Variants in C2CD3 observed in about 807,000 individuals in gnomAD.
C2CD3 encodes the protein C2 domain containing 3 centriole elongation regulator.
Under a neutral mutation model 234.0 loss-of-function variants are expected in C2CD3, and 148 were observed. The ratio of observed to expected loss-of-function variants is 0.63; its 90% CI spans 0.55 to 0.72. The LOEUF (loss-of-function observed/expected upper bound fraction) is 0.72. Among genes scored for constraint, C2CD3 ranks in the 30% least tolerant of loss-of-function variants. C2CD3 has a pLI of 0.00. For missense variants in C2CD3, 2,577 were observed against 2,811.5 expected, an observed-to-expected ratio of 0.92 and a Z score of 1.89; for synonymous variants, 1,000 against 1,035.4, an observed-to-expected ratio of 0.97 and a Z score of 0.66.
At chr11:74,081,429 C>T (rs1239665807) in intron 22 of C2CD3, among the ~76,000 whole-genome samples, 1 of 152,160 alleles carries the variant, frequency 6.6e-6, no homozygotes, top group Admixed American at 6.5e-5. Context: ...TCAGGTCCTG[C>T]CACTCACCAG....
Position 74,138,639 on chromosome 11 carries a change from T to G in C2CD3, c.955+81A>C, listed in dbSNP as rs1957946147. On this transcript the variant is annotated intron_variant, in intron 5 of 32. Transcript: ENST00000334126. Reference sequence around the variant, plus strand: ...GACTTAGTTCAAACAAGAGTCTTGGTTCTCTTTGTAGGCTGGCTAACAAGC... The same window carrying G: ...GACTTAGTTCAAACAAGAGTCTTGGGTCTCTTTGTAGGCTGGCTAACAAGC... 4.4e-6 allele frequency: 5 copies of G among 1,127,926 alleles called. No homozygotes were observed. The South Asian group carries it at 5.6e-5, about 13-fold the overall frequency. The allele number at this position is 1,127,926 out of a possible 1,614,324, so 69.9% of individuals were successfully genotyped here.
chr11:74,020,464 C>T (rs1952040956), intron 32 of C2CD3, among the ~76,000 whole-genome samples: 1 of 152,236 alleles, frequency 6.6e-6, no homozygotes, highest in Admixed American at 6.5e-5. Context: ...TTCCTATACT[C>T]ATTCCCTTTG....
chr11:74,088,356 TG>T (rs1335488822), intron 20 of C2CD3, among the ~76,000 whole-genome samples: 1 of 152,164 alleles, frequency 6.6e-6, no homozygotes, highest in Non-Finnish European at 1.5e-5. Flanking sequence ...TAGTAGGAGA[TG>T]GGGGTGAGAC....
intron 31 of C2CD3, among the ~76,000 whole-genome samples, chr11:74,029,663 T>C (rs1241987463): frequency 6.6e-6 from 1 of 152,238 alleles, no homozygotes; most frequent in Non-Finnish European, 1.5e-5. Context: ...GTGTCAGGGC[T>C]GGCTCTGAAG....
At chr11:74,087,469 C>T (rs1955690890) in intron 20 of C2CD3, among the ~76,000 whole-genome samples, 1 of 151,806 alleles carries the variant, frequency 6.6e-6, no homozygotes, top group African/African-American at 2.4e-5. Flanking sequence ...GAGGCTGAGT[C>T]AGGAGAATCG....
chr11:74,090,173 C>T (rs551991401), intron 20 of C2CD3, among the ~76,000 whole-genome samples: 5 of 152,096 alleles, frequency 3.3e-5, no homozygotes, highest in Non-Finnish European at 5.9e-5. Context: ...GGGTGGGGCA[C>T]GTGGTTTAGA....
chr11:74,076,773 C>T (rs896524820), intron 23 of C2CD3, among the ~76,000 whole-genome samples: 4 of 152,180 alleles, frequency 2.6e-5, no homozygotes, highest in Admixed American at 2.6e-4. Context: ...ATCTCTCTTT[C>T]CCCCTTTCCT....
intron 24 of C2CD3, among the ~76,000 whole-genome samples, chr11:74,061,892 G>A (rs568987118): frequency 1.0e-3 from 158 of 152,136 alleles, no homozygotes; most frequent in African/African-American, 3.6e-3. Flanking sequence ...CACGTGCAGA[G>A]ACACATACAG....
chr11:74,170,795 T>A lies in C2CD3; in HGVS notation c.-3A>T. 1 of 1,614,214 alleles carries A rather than the reference T, an allele frequency of 6.2e-7. No homozygotes were observed. The highest frequency in any genetic ancestry group is 8.5e-7 in the Non-Finnish European group (1 of 1,180,026). On this transcript the variant is annotated 5_prime_UTR_variant, in exon 1 of 33. Coordinates refer to ENST00000334126, the MANE Select transcript of C2CD3 (RefSeq NM_001286577.2). The stretch of plus-strand genomic sequence containing the variant: ...CCTTGGCCTTTTCGTTGTTTCATGA[T>A]GAGCCCGAGCTCTTCTTCACCAGCT...
In C2CD3 at chr11:74,170,834, A is replaced by G. The variant is rs1221770501; in HGVS notation, c.-42T>C. Reference sequence around the variant, plus strand: ...TCTTCACCAGCTCAACTCCGTCTCCAGCACCTAAGCAGTATCCTCCCGCCA... The same window carrying G: ...TCTTCACCAGCTCAACTCCGTCTCCGGCACCTAAGCAGTATCCTCCCGCCA... On this transcript the variant is annotated 5_prime_UTR_variant, in exon 1 of 33. Transcript: ENST00000334126. The G allele has an allele frequency of 3.1e-6, 5 of 1,613,464 alleles. No individual in the cohort carries two copies. Among genetic ancestry groups the G allele is most frequent in the Non-Finnish European group, 4.2e-6 (5 of 1,179,812 alleles).
At chr11:74,092,179 A>G (rs1271836975) in intron 19 of C2CD3, among the ~76,000 whole-genome samples, 2 of 151,718 alleles carry the variant, frequency 1.3e-5, no homozygotes, top group African/African-American at 2.4e-5. Context: ...CAGCCTCCCA[A>G]GTAGCTGGGA....
chr11:74,117,114 G>A (rs1391143200), intron 9 of C2CD3, among the ~76,000 whole-genome samples: 3 of 30,018 alleles, frequency 1.0e-4, no homozygotes, highest in Non-Finnish European at 1.6e-4. Flanking sequence ...ATATATATAT[G>A]AATATATATA....
intron 24 of C2CD3, among the ~76,000 whole-genome samples, chr11:74,059,456 T>C (rs1420099955): frequency 7.2e-6 from 1 of 139,262 alleles, no homozygotes; most frequent in African/African-American, 2.7e-5. Context: ...TCCAAATCCA[T>C]ACTCCCACTT....
chr11:74,080,150 GT>G (rs1204712860), intron 22 of C2CD3, among the ~76,000 whole-genome samples: 1 of 152,098 alleles, frequency 6.6e-6, no homozygotes, highest in Non-Finnish European at 1.5e-5. Context: ...ATAAAACATT[GT>G]GGAATGATAA....
In C2CD3 at chr11:74,013,183, C is replaced by T. The variant is rs113564544; in HGVS notation, c.*202G>A. ...ACCACAGAAAAAAGGAGCTGAAATT[C>T]TGGCAAGTGGACACTGGACTGGTTT... is the stretch of plus-strand genomic sequence containing the variant. On this transcript the variant is annotated 3_prime_UTR_variant, in exon 33 of 33. Transcript: ENST00000334126. 1.1e-5 allele frequency: 4 copies of T among 362,216 alleles called. No homozygotes were observed. The highest frequency in any genetic ancestry group is 6.3e-5 in the African/African-American group (3 of 47,926). 22.4% of individuals were successfully genotyped at this position (362,216 alleles called of 1,614,324 possible). A position where few individuals can be genotyped will look rare whatever the true frequency, so the allele number is the denominator to read the frequency against.
rs572341331 is a variant in C2CD3, at chr11:74,057,293, A to C, written c.5090+113T>G. 3 of 1,012,786 alleles carry C rather than the reference A, an allele frequency of 3.0e-6. No individual in the cohort carries two copies. In the African/African-American group the frequency reaches 4.8e-5, roughly 16 times the overall value. 62.7% of individuals were successfully genotyped at this position (1,012,786 alleles called of 1,614,324 possible). On this transcript the variant is annotated intron_variant, in intron 25 of 32. Coordinates refer to ENST00000334126, the MANE Select transcript of C2CD3 (RefSeq NM_001286577.2). ...ATTAAATAATTGCTTGGATAAGAAAAGCATTTTCCAGGTCTGCTCAAAAAT... is the reference window on the plus strand; with the variant it reads ...ATTAAATAATTGCTTGGATAAGAAACGCATTTTCCAGGTCTGCTCAAAAAT...
intron 15 of C2CD3, among the ~76,000 whole-genome samples, chr11:74,099,976 C>A (rs1012725881): frequency 3.9e-5 from 6 of 152,058 alleles, no homozygotes; most frequent in Non-Finnish European, 7.4e-5. Flanking sequence ...AATCAATACC[C>A]CACCTACGTG....
chr11:74,028,608 C>T (rs11235979), intron 31 of C2CD3, among the ~76,000 whole-genome samples: 3 of 152,240 alleles, frequency 2.0e-5, no homozygotes, highest in East Asian at 1.9e-4. Flanking sequence ...AGTTCAAATC[C>T]GGCCTCCTCT....
chr11:74,033,840 C>G lies in C2CD3; in HGVS notation c.6320G>C (p.Arg2107Thr). 1 of 1,536,186 alleles carries G rather than the reference C, an allele frequency of 6.5e-7. No individual in the cohort carries two copies. Among genetic ancestry groups the G allele is most frequent in the Non-Finnish European group, 8.7e-7 (1 of 1,146,926 alleles). ...TGGAGAAGGACAAGAGGGGCCTTCC[C>G]TCTGCACCTCGTCAGGCTGAGGGCT... is the stretch of plus-strand genomic sequence containing the variant. Reference protein sequence around the residue: ...VISPQPDEVQREGPSCPSPGP... With the variant: ...VISPQPDEVQTEGPSCPSPGP... Residue 2107 changes from arginine (R) to threonine (T), a missense_variant, in exon 31 of 33, where the codon AGG (arginine) becomes ACG (threonine). Coordinates refer to ENST00000334126, the MANE Select transcript of C2CD3 (RefSeq NM_001286577.2).
Sources: allele counts gnomAD v4.1 joint callset (sites outside exome capture counted in the v4.1 genomes callset), GRCh38; gene constraint gnomAD v4.1.1; transcripts MANE v1.5; gene names NCBI Gene and HGNC (gene_info 2026-07-23, HGNC 2026-07-21).